BTRC: variants seen among roughly 807,000 people sequenced by gnomAD.
BTRC encodes beta-transducin repeat containing E3 ubiquitin protein ligase, also known as F-box/WD repeat-containing protein 1A.
Under a neutral mutation model 85.5 loss-of-function variants are expected in BTRC, and 42 were observed. That is an observed-to-expected ratio of 0.49 (90% CI 0.38 to 0.64). The LOEUF (loss-of-function observed/expected upper bound fraction) is 0.64, where lower values mean the gene tolerates loss of function less well. Ranked by LOEUF, BTRC falls within the 30% of genes least tolerant of loss-of-function variation. The pLI is 0.00. For missense variants in BTRC, 594 were observed against 743.5 expected, an observed-to-expected ratio of 0.80 and a Z score of 2.34; for synonymous variants, 255 against 263.3, an observed-to-expected ratio of 0.97 and a Z score of 0.30.
At chr10:101,527,779 C>T (rs1365349454) in intron 6 of BTRC, among the ~76,000 whole-genome samples, 1 of 144,454 alleles carries the variant, frequency 6.9e-6, no homozygotes, top group African/African-American at 2.5e-5. Flanking sequence ...CTCTCTCTCT[C>T]TCTCTCTCTC....
intron 4 of BTRC, among the ~76,000 whole-genome samples, chr10:101,505,465 A>G (rs1196499670): frequency 1.3e-5 from 2 of 151,234 alleles, no homozygotes; most frequent in Admixed American, 1.3e-4. Context: ...TAAAAATTCA[A>G]AAAAATTAGC....
chr10:101,467,286 A>AG (rs1383804751), intron 3 of BTRC, among the ~76,000 whole-genome samples: 6 of 147,166 alleles, frequency 4.1e-5, no homozygotes, highest in African/African-American at 1.2e-4. Flanking sequence ...TTGATTGATG[A>AG]GGGAAAAAGG....
chr10:101,545,050 CAAA>C (rs751267686), intron 13 of BTRC, among the ~76,000 whole-genome samples: 4 of 121,356 alleles, frequency 3.3e-5, no homozygotes, highest in African/African-American at 6.1e-5. Flanking sequence ...GACCCTGTCT[CAAA>C]AAAAAAAAAA....
chr10:101,419,014 CTT>C (rs1331387470), intron 1 of BTRC, among the ~76,000 whole-genome samples: 48 of 142,704 alleles, frequency 3.4e-4, no homozygotes, highest in Admixed American at 4.2e-4. Flanking sequence ...TTCTTTCTTT[CTT>C]TTTTTTTTTT....
At chr10:101,542,726 C>T (rs1363451661) in intron 13 of BTRC, among the ~76,000 whole-genome samples, 1 of 152,150 alleles carries the variant, frequency 6.6e-6, no homozygotes, top group Non-Finnish European at 1.5e-5. Context: ...CGTGCGCCAC[C>T]ACGTCCAGCT....
intron 13 of BTRC, among the ~76,000 whole-genome samples, chr10:101,544,334 G>T (rs1305907502): frequency 1.3e-5 from 2 of 151,466 alleles, no homozygotes; most frequent in East Asian, 1.9e-4. Context: ...TTTGCTTAAA[G>T]AACTTACTTT....
intron 1 of BTRC, among the ~76,000 whole-genome samples, chr10:101,424,061 C>G (rs1944180922): frequency 6.6e-6 from 1 of 152,110 alleles, no homozygotes; most frequent in Non-Finnish European, 1.5e-5. Flanking sequence ...GAAACCCTGC[C>G]TGTCTCTACC....
At chr10:101,452,649 T>G (rs1288501247) in intron 2 of BTRC, among the ~76,000 whole-genome samples, 1 of 152,156 alleles carries the variant, frequency 6.6e-6, no homozygotes, top group African/African-American at 2.4e-5. Context: ...GAAGTCCTCT[T>G]TGGTTGTCCC....
At chr10:101,386,860 T>TA (rs1218092101) in intron 1 of BTRC, among the ~76,000 whole-genome samples, 1 of 152,246 alleles carries the variant, frequency 6.6e-6, no homozygotes, top group Admixed American at 6.5e-5. Context: ...TAATTTAAGA[T>TA]CATGAAAATA....
At chr10:101,512,028 T>TTAA (rs2061963534) in intron 4 of BTRC, among the ~76,000 whole-genome samples, 1 of 152,242 alleles carries the variant, frequency 6.6e-6, no homozygotes, top group East Asian at 1.9e-4. Context: ...TTTATATATG[T>TTAA]TCTTTCTCCA....
intron 1 of BTRC, among the ~76,000 whole-genome samples, chr10:101,406,271 G>C (rs1943618010): frequency 6.6e-6 from 1 of 151,452 alleles, no homozygotes; most frequent in Non-Finnish European, 1.5e-5. Context: ...CCGCCTCCCG[G>C]GTTCATGCCA....
chr10:101,537,631 A>T (rs1490381973), intron 12 of BTRC, among the ~76,000 whole-genome samples: 1 of 152,360 alleles, frequency 6.6e-6, no homozygotes, highest in African/African-American at 2.4e-5. Flanking sequence ...GAAACTAACA[A>T]CATTATTTTA....
In BTRC at chr10:101,362,996, T is replaced by C. The variant is rs961991457; in HGVS notation, c.48+8768T>C. Among the ~76,000 whole-genome samples the C allele has an allele frequency of 5.3e-5, 8 of 152,234 alleles. No homozygotes were observed. In the East Asian group the frequency reaches 1.5e-3, roughly 29 times the overall value. On this transcript the variant is annotated intron_variant, in intron 1 of 14. Transcript: ENST00000370187. ...CCGTTTAAGGCACTATAAGAGACTT[T>C]TGAGTATCTGTGGATTTTGGTATCC...
chr10:101,554,788 G>C lies in BTRC; in HGVS notation c.*1665G>C, dbSNP rs2062704926. ...GTGGGCTTCAGGTGCAAGGGTACCT[G>C]TGCCACACCAACCTGGGAGCACACA... On this transcript the variant is annotated 3_prime_UTR_variant, in exon 15 of 15. Coordinates refer to ENST00000370187, the MANE Select transcript of BTRC (RefSeq NM_033637.4). 1 of 152,528 alleles carries C rather than the reference G, an allele frequency of 6.6e-6. No homozygotes were observed. 9.4% of individuals were successfully genotyped at this position (152,528 alleles called of 1,614,324 possible). A position where few individuals can be genotyped will look rare whatever the true frequency, so the allele number is the denominator to read the frequency against.
At chr10:101,442,438 A>G (rs1349086669) in intron 2 of BTRC, among the ~76,000 whole-genome samples, 2 of 152,082 alleles carry the variant, frequency 1.3e-5, no homozygotes, top group African/African-American at 2.4e-5. Context: ...GGGAAGAGAA[A>G]ATACAGCGTG....
chr10:101,549,595 T>C (rs531913807), intron 13 of BTRC, among the ~76,000 whole-genome samples: 29 of 151,268 alleles, frequency 1.9e-4, no homozygotes, highest in African/African-American at 6.8e-4. Context: ...GCGCCTGTAG[T>C]CCCAGCTACT....
At chr10:101,402,266 C>T (rs1943511744) in intron 1 of BTRC, among the ~76,000 whole-genome samples, 1 of 152,130 alleles carries the variant, frequency 6.6e-6, no homozygotes. Flanking sequence ...AGTTGGGTGA[C>T]TCTCTTATGT....
At chr10:101,467,327 G>A (rs376596031) in intron 3 of BTRC, among the ~76,000 whole-genome samples, 16 of 134,020 alleles carry the variant, frequency 1.2e-4, no homozygotes, top group Admixed American at 2.4e-4. Context: ...CAGGCAGGCA[G>A]GGTTTTTTTT....
chr10:101,423,281 G>T (rs1303364360), intron 1 of BTRC, among the ~76,000 whole-genome samples: 2 of 151,988 alleles, frequency 1.3e-5, no homozygotes, highest in East Asian at 1.9e-4. Context: ...AGCTTGTTCC[G>T]CAATTCATTG....
Sources: gnomAD v4.1 joint callset for allele counts (sites outside exome capture counted in the v4.1 genomes callset) on GRCh38, gnomAD v4.1.1 for gene constraint, MANE v1.5 for transcripts, NCBI Gene and HGNC (gene_info 2026-07-23, HGNC 2026-07-21) for gene names.